The following NCAN variants were observed in gnomAD, a reference collection of about 807,000 sequenced individuals.
The protein encoded by NCAN is neurocan.
Under a neutral mutation model 121.8 loss-of-function variants are expected in NCAN, and 47 were observed. That is an observed-to-expected ratio of 0.39 (90% CI 0.31 to 0.49). NCAN has a LOEUF of 0.49. Among genes scored for constraint, NCAN ranks in the 20% least tolerant of loss-of-function variants. NCAN has a pLI of 0.92. For missense variants in NCAN, 1,517 were observed against 1,773.4 expected, an observed-to-expected ratio of 0.86 and a Z score of 2.60; for synonymous variants, 633 against 702.0, an observed-to-expected ratio of 0.90 and a Z score of 1.55.
At position 19,228,179 on chromosome 19, in the gene NCAN, A is replaced by T. The variant is rs761578827; in HGVS notation, c.2559A>T (p.Glu853Asp). 3.7e-6 allele frequency: 6 copies of T among 1,613,884 alleles called. No homozygotes were observed. The South Asian group carries it at 4.4e-5, about 12-fold the overall frequency. The change falls in exon 8 of 15, where the codon GAA becomes GAT. Residue 853 changes from glutamate (E) to aspartate (D), a missense_variant. Coordinates refer to ENST00000252575, the MANE Select transcript of NCAN (RefSeq NM_004386.3). The stretch of plus-strand genomic sequence containing the variant: ...AACCTGGATCCCAGGTGTTTGAAGA[A>T]GCCGAAAGCACCACCTTGAGCCCTC... ...IWEPGSQVFE[E>D]AESTTLSPQV...
At chr19:19,216,215 C>G (rs2060795348) in intron 1 of NCAN, among the ~76,000 whole-genome samples, 1 of 152,146 alleles carries the variant, frequency 6.6e-6, no homozygotes. Flanking sequence ...GTGGTGGAAT[C>G]ATAGCTCACT....
chr19:19,214,826 G>C (rs543436732), intron 1 of NCAN, among the ~76,000 whole-genome samples: 1 of 152,042 alleles, frequency 6.6e-6, no homozygotes, highest in African/African-American at 2.4e-5. Context: ...CTGGGGGCAG[G>C]TGCAACCCGG....
In NCAN at chr19:19,251,205, G is replaced by A. The variant is rs1012706102; in HGVS notation, c.*1294G>A. 6.6e-6 allele frequency: 1 copy of A among 152,160 alleles called. No homozygotes were observed. Among genetic ancestry groups the A allele is most frequent in the African/African-American group, 2.4e-5 (1 of 41,424 alleles). 9.4% of individuals were successfully genotyped at this position (152,160 alleles called of 1,614,324 possible). Reference sequence around the variant, plus strand: ...GGATCAGGGTTAAAAAAGCACCGTGGAGAATGGCCCTCTTCAGGAAAGAAA... The same window carrying A: ...GGATCAGGGTTAAAAAAGCACCGTGAAGAATGGCCCTCTTCAGGAAAGAAA... On this transcript the variant is annotated 3_prime_UTR_variant, in exon 15 of 15. Transcript: ENST00000252575.
At chr19:19,245,659 G>A (rs529434129) in intron 13 of NCAN, among the ~76,000 whole-genome samples, 5 of 152,162 alleles carry the variant, frequency 3.3e-5, no homozygotes, top group East Asian at 1.9e-4. Context: ...TGTATTTTTT[G>A]TAGAGATGGG....
At chr19:19,245,981 G>A (rs1022782477) in intron 13 of NCAN, among the ~76,000 whole-genome samples, 4 of 151,880 alleles carry the variant, frequency 2.6e-5, no homozygotes, top group Non-Finnish European at 5.9e-5. Flanking sequence ...CAACACTTTG[G>A]GAGGCCAAGG....
rs1165705291 is a variant in NCAN, at chr19:19,225,176, G to C, written c.978G>C (p.Gly326=). Reference sequence around the variant, plus strand: ...TCCAGACGCCGCGCCGGCGCTGCGGGGGCCCAGCCCCGGGCGTGCGCACCG... The same window carrying C: ...TCCAGACGCCGCGCCGGCGCTGCGGCGGCCCAGCCCCGGGCGTGCGCACCG... ...YPIQTPRRRC[G]GPAPGVRTVY... is the part of the protein sequence containing the mutation. The change falls in exon 6 of 15, where the codon GGG becomes GGC. Residue 326 remains glycine (G), a synonymous_variant. Transcript: ENST00000252575. The surrounding 1 kb of genome is among the most constrained non-coding windows in gnomAD (Gnocchi z 4.0). 6.5e-7 allele frequency: 1 copy of C among 1,539,188 alleles called. No homozygotes were observed. Among genetic ancestry groups the C allele is most frequent in the Non-Finnish European group, 8.7e-7 (1 of 1,154,338 alleles).
At chr19:19,218,791 C>T (rs1273144569) in intron 2 of NCAN, 124 bp from the exon 3 acceptor site, 2 of 996,990 alleles carry the variant, frequency 2.0e-6, no homozygotes, top group East Asian at 6.2e-5. Flanking sequence ...ATTCTGAGGT[C>T]AAGTGGCCCT....
At chr19:19,248,642 A>G (rs1179435110) in intron 13 of NCAN, 58 bp from the exon 14 acceptor site, 16 of 1,532,830 alleles carry the variant, frequency 1.0e-5, no homozygotes, top group Non-Finnish European at 1.4e-5. Context: ...AACAACAACA[A>G]CAACTAGTTT....
intron 3 of NCAN, among the ~76,000 whole-genome samples, chr19:19,220,872 C>T (rs1335557365): frequency 6.6e-6 from 1 of 152,000 alleles, no homozygotes; most frequent in Non-Finnish European, 1.5e-5. Context: ...AATTCAAGAC[C>T]AGCCTGGGAA....
At chr19:19,215,936 C>G (rs964295771) in intron 1 of NCAN, among the ~76,000 whole-genome samples, 3 of 152,172 alleles carry the variant, frequency 2.0e-5, no homozygotes, top group Admixed American at 2.0e-4. Context: ...CTGCATGAGA[C>G]AGTTCTAAGC....
intron 10 of NCAN, 34 bp downstream of exon 10, chr19:19,235,130 A>C: frequency 6.7e-7 from 1 of 1,495,110 alleles, no homozygotes; most frequent in Non-Finnish European, 9.3e-7. Flanking sequence ...AAACAGTACC[A>C]AGAGTGGGGT....
chr19:19,227,980 G>A lies in NCAN; in HGVS notation c.2360G>A (p.Ser787Asn), dbSNP rs775347564. Reference sequence around the variant, plus strand: ...CAGGACCCCTGGCCCTCAGTGTACAGCAAAGGGCTGGATGCAAGTTCCCCA... The same window carrying A: ...CAGGACCCCTGGCCCTCAGTGTACAACAAAGGGCTGGATGCAAGTTCCCCA... ...EVQDPWPSVY[S>N]KGLDASSPSA... is the part of the protein sequence containing the mutation. The change falls in exon 8 of 15, where the codon AGC becomes AAC. Residue 787 changes from serine (S) to asparagine (N), a missense_variant. Transcript: ENST00000252575. The surrounding 1 kb of genome is among the most constrained non-coding windows in gnomAD (Gnocchi z 4.2). 8 of 1,613,368 alleles carry A rather than the reference G, an allele frequency of 5.0e-6. No homozygotes were observed. In the Admixed American group the frequency reaches 1.3e-4, roughly 27 times the overall value.
chr19:19,215,658 A>G (rs1200855106), intron 1 of NCAN, among the ~76,000 whole-genome samples: 1 of 152,160 alleles, frequency 6.6e-6, no homozygotes, highest in Non-Finnish European at 1.5e-5. Context: ...CGGCTCCTCC[A>G]AAATCCCAGA....
rs190186982 is a variant in NCAN, at chr19:19,244,373, A to G, written c.3493-940A>G. Among the ~76,000 whole-genome samples, 451 of 148,214 alleles carry G rather than the reference A, an allele frequency of 3.0e-3. 2 individuals are homozygous for G. Among genetic ancestry groups the G allele is most frequent in the African/African-American group, 0.011 (432 of 39,206 alleles). On this transcript the variant is annotated intron_variant, in intron 12 of 14. Transcript: ENST00000252575. ...ACCCGGGCTGGAGTTCAGTGATGCA[A>G]CCCAGCTCACTGCAACCTCTGCCTC... is the stretch of plus-strand genomic sequence containing the variant.
At chr19:19,223,575 C>T (rs763586032) in intron 3 of NCAN, among the ~76,000 whole-genome samples, 42 of 152,176 alleles carry the variant, frequency 2.8e-4, no homozygotes, top group Middle Eastern at 3.4e-3. Context: ...TGGGTTCAAG[C>T]GATTCTCCTG....
In NCAN at chr19:19,226,967, C is replaced by T. The variant is rs779458030; in HGVS notation, c.1554C>T (p.Asn518=). ...CCCCCACCTCAGAGGCTGCAGTGAA[C>T]CAAATGGAGCCTCCGTTGGCCATGG... ...AQPPTSEAAV[N]QMEPPLAMAV... is the part of the protein sequence containing the mutation. Residue 518 remains asparagine, a synonymous_variant, in exon 7 of 15, where the codon AAC becomes AAT. Transcript: ENST00000252575. 1.3e-6 allele frequency: 2 copies of T among 1,545,494 alleles called. No individual in the cohort carries two copies. The highest frequency in any genetic ancestry group is 1.9e-4 in the Middle Eastern group (1 of 5,322).
Position 19,227,104 on chromosome 19 carries a change from C to G in NCAN, c.1660+31C>G. On this transcript the variant is annotated intron_variant, in intron 7 of 14. Coordinates refer to ENST00000252575, the MANE Select transcript of NCAN (RefSeq NM_004386.3). The surrounding 1 kb of genome is among the most constrained non-coding windows in gnomAD (Gnocchi z 4.2). ...TTGCTCTGGGGGAGGCGGGACCTAC[C>G]TGGGGATCTGGAGGTGAGGGTAGAG... 6.7e-7 allele frequency: 1 copy of G among 1,501,736 alleles called. No homozygotes were observed. The highest frequency in any genetic ancestry group is 8.9e-7 in the Non-Finnish European group (1 of 1,127,468). 93.0% of individuals were successfully genotyped at this position (1,501,736 alleles called of 1,614,324 possible).
chr19:19,226,749 G>C lies in NCAN; in HGVS notation c.1336G>C (p.Val446Leu). ...PMLASWPTGE[V>L]WLSTVAPSPS... ...GCTGGCCTCATGGCCCACTGGGGAA[G>C]TGTGGCTAAGCACGGTGGCCCCCAG... Residue 446 changes from valine (V) to leucine (L), a missense_variant, in exon 7 of 15, where the codon GTG becomes CTG. Transcript: ENST00000252575. 2 of 1,613,408 alleles carry C rather than the reference G, an allele frequency of 1.2e-6. No homozygotes were observed. The highest frequency in any genetic ancestry group is 2.2e-5 in the East Asian group (1 of 44,886).
intron 11 of NCAN, chr19:19,238,647 A>G: frequency 1.8e-6 from 1 of 562,600 alleles, no homozygotes; most frequent in South Asian, 2.0e-5. Context: ...AGCACCTGCT[A>G]TATGCCAGGC....
Sources: gnomAD v4.1 joint callset for allele counts (sites outside exome capture counted in the v4.1 genomes callset) on GRCh38, gnomAD v4.1.1 for gene constraint, Gnocchi (gnomAD v3.1) non-coding constraint, MANE v1.5 for transcripts, NCBI Gene and HGNC (gene_info 2026-07-23, HGNC 2026-07-21) for gene names.